The following POM121 variants were observed in gnomAD, a reference collection of about 807,000 sequenced individuals.
POM121 encodes nuclear envelope pore membrane protein POM 121.
Under a neutral mutation model 81.3 loss-of-function variants are expected in POM121, and 32 were observed. The ratio of observed to expected loss-of-function variants is 0.39; its 90% CI spans 0.30 to 0.53. The LOEUF is 0.53. POM121 is among the 20% of genes least tolerant of loss of function. The pLI is 0.66. For synonymous variants in POM121, 514 were observed against 694.2 expected, an observed-to-expected ratio of 0.74 and a Z score of 4.08; for missense variants, 1,138 against 1,614.6, an observed-to-expected ratio of 0.70 and a Z score of 5.06.
intron 3 of POM121, 67 bp from the exon 4 acceptor site, chr7:72,928,318 G>A: frequency 6.3e-7 from 1 of 1,584,996 alleles, no homozygotes. Flanking sequence ...CCAGAAATAT[G>A]AGAATACACT....
chr7:72,935,754 T>C (rs1586169552), intron 5 of POM121, among the ~76,000 whole-genome samples: 1 of 151,666 alleles, frequency 6.6e-6, no homozygotes, highest in Admixed American at 6.6e-5. Flanking sequence ...GTGCTGAGAT[T>C]ACAGGCGTGA....
At chr7:72,891,340 C>T (rs1791278843) in intron 3 of POM121, among the ~76,000 whole-genome samples, 1 of 152,124 alleles carries the variant, frequency 6.6e-6, no homozygotes, top group South Asian at 2.1e-4. Context: ...CTTCCTCTTC[C>T]TCCAGCATTA....
intron 1 of POM121, among the ~76,000 whole-genome samples, chr7:72,889,596 T>C (rs1791099725): frequency 6.6e-6 from 1 of 152,070 alleles, no homozygotes; most frequent in South Asian, 2.1e-4. Flanking sequence ...AGCCTTGACC[T>C]CCCAGGCTCA....
At chr7:72,918,680 T>C (rs1554495464) in intron 4 of POM121, among the ~76,000 whole-genome samples, 1 of 152,154 alleles carries the variant, frequency 6.6e-6, no homozygotes, top group Non-Finnish European at 1.5e-5. Context: ...GATGGCTTAC[T>C]GCCCACACCA....
intron 3 of POM121, among the ~76,000 whole-genome samples, chr7:72,894,664 A>AGAGAGAGAGAGAGAGG (rs1791733873): frequency 1.3e-5 from 2 of 149,740 alleles, no homozygotes; most frequent in African/African-American, 4.9e-5. Flanking sequence ...AGAGAGAGAG[A>AGAGAGAGAGAGAGAGG]GAGAGAGAGA....
intron 3 of POM121, chr7:72,891,156 C>A (rs1791261063): frequency 2.9e-6 from 2 of 694,968 alleles, no homozygotes; most frequent in Non-Finnish European, 5.0e-6. Flanking sequence ...CATCCCAGAC[C>A]TTTGGGAGTG....
chr7:72,919,711 G>A lies in POM121; in HGVS notation c.-152+5883G>A, dbSNP rs11977466. Among the ~76,000 whole-genome samples, 836 of 152,180 alleles carry A rather than the reference G, an allele frequency of 5.5e-3. 9 individuals carry two copies. The highest frequency in any genetic ancestry group is 0.019 in the African/African-American group (809 of 41,526). On this transcript the variant is annotated intron_variant, in intron 4 of 15. Coordinates refer to the POM121 transcript ENST00000395270. Reference sequence around the variant, plus strand: ...TGCCCGGGCTGGTCTCGAACTCTGAGGCTCAAGCGATCTGCCCACCTCAGC... The same window carrying A: ...TGCCCGGGCTGGTCTCGAACTCTGAAGCTCAAGCGATCTGCCCACCTCAGC...
At chr7:72,939,455 T>A (rs782231481) in intron 7 of POM121, 46 bp downstream of exon 7, 52 of 1,610,456 alleles carry the variant, frequency 3.2e-5, no homozygotes, top group Non-Finnish European at 4.2e-5. Context: ...GTGGTGGAGG[T>A]GTTTGTGGAG....
rs374029981 is a variant in POM121, at chr7:72,902,906, C to G, written c.-215-10859C>G. Among the ~76,000 whole-genome samples the G allele has an allele frequency of 1.6e-4, 24 of 152,288 alleles. 1 individual carries two copies. In the South Asian group the frequency reaches 5.0e-3, roughly 32 times the overall value. ...ATTGTTCTCCTTGTATCCTTTAACT[C>G]TTTATTCATCGTTTCTTTTAGCTTT... On this transcript the variant is annotated intron_variant, in intron 3 of 15. Transcript: ENST00000395270.
chr7:72,924,976 T>C, upstream of POM121: 2 of 1,300,760 alleles, frequency 1.5e-6, no homozygotes, highest in Non-Finnish European at 9.8e-7. Flanking sequence ...CAGGCGGCAT[T>C]TTCCAAACCA....
At chr7:72,906,876 G>A (rs1287501539) in intron 3 of POM121, among the ~76,000 whole-genome samples, 2 of 149,964 alleles carry the variant, frequency 1.3e-5, no homozygotes, top group Admixed American at 6.7e-5. Flanking sequence ...GATTCCCCCC[G>A]CCTCGGCCCC....
chr7:72,938,739 AG>A (rs1384697842), intron 6 of POM121, 58 bp downstream of exon 6: 33 of 1,580,470 alleles, frequency 2.1e-5, no homozygotes, highest in Non-Finnish European at 2.7e-5. Context: ...GGGTGAGGAA[AG>A]GTGGGAAACG....
intron 1 of POM121, among the ~76,000 whole-genome samples, chr7:72,888,675 A>AGTGTGTGTGT (rs57062510): frequency 0.026 from 3,728 of 142,784 alleles, 149 homozygotes; most frequent in African/African-American, 0.088. Flanking sequence ...GAGGCATAAG[A>AGTGTGTGTGT]GTGTGTGTGT....
intron 3 of POM121, among the ~76,000 whole-genome samples, chr7:72,911,193 A>T (rs1207944558): frequency 1.3e-5 from 2 of 152,180 alleles, no homozygotes; most frequent in Admixed American, 1.3e-4. Context: ...CATTTTGGCC[A>T]GGCTGGTCTC....
intron 3 of POM121, 66 bp downstream of exon 3, chr7:72,927,029 A>C: frequency 6.2e-7 from 1 of 1,609,728 alleles, no homozygotes; most frequent in Non-Finnish European, 8.5e-7. Context: ...AGATGTAGAC[A>C]TTCCCATATA....
upstream of POM121, chr7:72,924,905 G>A: frequency 1.3e-6 from 1 of 755,994 alleles, no homozygotes; most frequent in Non-Finnish European, 1.9e-6. Context: ...ATCGCCTCCG[G>A]ATGGATGTGG....
upstream of POM121, among the ~76,000 whole-genome samples, chr7:72,923,809 C>T (rs1441646847): frequency 6.6e-6 from 1 of 151,662 alleles, no homozygotes; most frequent in Non-Finnish European, 1.5e-5. Flanking sequence ...CCATATTGGT[C>T]AGGCTGGTCT....
At chr7:72,891,495 C>T (rs1791294243) in intron 3 of POM121, among the ~76,000 whole-genome samples, 1 of 152,206 alleles carries the variant, frequency 6.6e-6, no homozygotes, top group Non-Finnish European at 1.5e-5. Context: ...CAACCATCAC[C>T]TCCCAGGTTC....
upstream of POM121, chr7:72,925,094 T>G: frequency 1.4e-6 from 2 of 1,392,254 alleles, no homozygotes; most frequent in Non-Finnish European, 1.8e-6. Context: ...CTGGGATATT[T>G]AAGTCTCCTC....
Sources: allele counts gnomAD v4.1 joint callset (sites outside exome capture counted in the v4.1 genomes callset), GRCh38; gene constraint gnomAD v4.1.1; transcripts MANE v1.5; gene names NCBI Gene and HGNC (gene_info 2026-07-23, HGNC 2026-07-21).